MACROD2: variants seen among roughly 807,000 people sequenced by gnomAD.
MACROD2 encodes mono-ADP ribosylhydrolase 2.
MACROD2 carries 36 observed loss-of-function variants against 70.4 expected under a neutral mutation model. The ratio of observed to expected loss-of-function variants is 0.51; its 90% CI spans 0.39 to 0.68. The LOEUF is 0.68. MACROD2 is among the 30% of genes least tolerant of loss of function. MACROD2 has a pLI of 0.00. For synonymous variants in MACROD2, 172 were observed against 178.8 expected (o/e 0.96, Z 0.30); for missense variants, 496 against 538.4 (o/e 0.92, Z 0.78).
chr20:15,633,722 G>A (rs1330890596), intron 8 of MACROD2, among the ~76,000 whole-genome samples: 1 of 152,094 alleles, frequency 6.6e-6, no homozygotes, highest in Non-Finnish European at 1.5e-5. Flanking sequence ...TTTACACATT[G>A]AATCTATTAC....
intron 6 of MACROD2, among the ~76,000 whole-genome samples, chr20:15,242,706 G>A: frequency 6.6e-6 from 1 of 152,102 alleles, no homozygotes; most frequent in East Asian, 1.9e-4. Flanking sequence ...GGATCTAGTA[G>A]TATATTTTTA....
At chr20:14,416,380 AT>A (rs2083805491) in intron 3 of MACROD2, among the ~76,000 whole-genome samples, 1 of 152,176 alleles carries the variant, frequency 6.6e-6, no homozygotes, top group Admixed American at 6.5e-5. Context: ...ACTCAAAACA[AT>A]TTTTAAGTCA....
chr20:15,075,436 T>A (rs1202245335), intron 5 of MACROD2, among the ~76,000 whole-genome samples: 2 of 152,186 alleles, frequency 1.3e-5, no homozygotes, highest in Non-Finnish European at 2.9e-5. Context: ...TCAAATTGGC[T>A]TATGTATAAG....
chr20:14,463,292 A>T (rs1181163410), intron 3 of MACROD2, among the ~76,000 whole-genome samples: 1 of 151,910 alleles, frequency 6.6e-6, no homozygotes. Flanking sequence ...ATTCTCTTTG[A>T]AGCAATTGTG....
chr20:15,607,843 A>G (rs1161210498), intron 8 of MACROD2, among the ~76,000 whole-genome samples: 1 of 152,194 alleles, frequency 6.6e-6, no homozygotes, highest in African/African-American at 2.4e-5. Context: ...TGCAATAAAG[A>G]TGTTTCTATA....
intron 2 of MACROD2, among the ~76,000 whole-genome samples, chr20:14,077,894 CTTT>C (rs58677755): frequency 1.7e-5 from 2 of 120,494 alleles, no homozygotes; most frequent in Non-Finnish European, 3.5e-5. Context: ...AAAGGTTTTT[CTTT>C]TTTTTTTTTT....
chr20:14,159,956 G>T (rs745410689), intron 3 of MACROD2, among the ~76,000 whole-genome samples: 4 of 152,126 alleles, frequency 2.6e-5, no homozygotes, highest in South Asian at 2.1e-4. Context: ...TATCAGATGC[G>T]TTTTCTGCAT....
chr20:14,248,105 G>A (rs1334444003), intron 3 of MACROD2, among the ~76,000 whole-genome samples: 1 of 151,876 alleles, frequency 6.6e-6, no homozygotes, highest in Admixed American at 6.6e-5. Flanking sequence ...TTTTTTTACT[G>A]TTAAGTACTT....
At chr20:15,423,962 A>G (rs996473174) in intron 6 of MACROD2, among the ~76,000 whole-genome samples, 2 of 152,190 alleles carry the variant, frequency 1.3e-5, no homozygotes, top group African/African-American at 4.8e-5. Flanking sequence ...GCCCTCTTTC[A>G]GGGCTCAAGT....
intron 5 of MACROD2, among the ~76,000 whole-genome samples, chr20:15,041,468 C>T (rs1409272825): frequency 6.6e-6 from 1 of 151,784 alleles, no homozygotes; most frequent in African/African-American, 2.4e-5. Flanking sequence ...TTTTTTGAGA[C>T]AGGGTCTCAC....
At chr20:15,198,743 T>G (rs1382850288) in intron 5 of MACROD2, among the ~76,000 whole-genome samples, 1 of 152,180 alleles carries the variant, frequency 6.6e-6, no homozygotes, top group Non-Finnish European at 1.5e-5. Flanking sequence ...GCAATTTTTA[T>G]GAACCCCACA....
intron 6 of MACROD2, among the ~76,000 whole-genome samples, chr20:15,386,670 C>T (rs751191467): frequency 3.9e-5 from 6 of 152,156 alleles, no homozygotes; most frequent in Admixed American, 1.3e-4. Context: ...GTGTCTTGAT[C>T]ATTGAAATTG....
At chr20:16,040,933 C>T (rs1424726743) in intron 15 of MACROD2, among the ~76,000 whole-genome samples, 1 of 151,970 alleles carries the variant, frequency 6.6e-6, no homozygotes, top group Non-Finnish European at 1.5e-5. Flanking sequence ...TCAACTTTTC[C>T]TGCTGTCATG....
At chr20:15,772,887 T>G (rs1231613843) in intron 8 of MACROD2, among the ~76,000 whole-genome samples, 1 of 152,128 alleles carries the variant, frequency 6.6e-6, no homozygotes, top group Admixed American at 6.5e-5. Context: ...AAACAGATAT[T>G]TCTTTCCTGG....
chr20:14,553,955 C>T (rs1286526908), intron 4 of MACROD2, among the ~76,000 whole-genome samples: 4 of 152,044 alleles, frequency 2.6e-5, no homozygotes. Flanking sequence ...AATTCCTGGC[C>T]CTCAATGGCA....
chr20:15,044,998 A>G (rs1194238476), intron 5 of MACROD2, among the ~76,000 whole-genome samples: 1 of 152,188 alleles, frequency 6.6e-6, no homozygotes, highest in Non-Finnish European at 1.5e-5. Flanking sequence ...TCTACAAAAC[A>G]GTCATATGTG....
At chr20:15,400,762 G>A (rs2045917853) in intron 6 of MACROD2, among the ~76,000 whole-genome samples, 2 of 152,094 alleles carry the variant, frequency 1.3e-5, no homozygotes, top group Non-Finnish European at 2.9e-5. Flanking sequence ...ATTTGCCTTT[G>A]GCATATTTGA....
At chr20:14,225,687 A>G (rs1324929295) in intron 3 of MACROD2, among the ~76,000 whole-genome samples, 1 of 152,262 alleles carries the variant, frequency 6.6e-6, no homozygotes. Flanking sequence ...TGACCAATCT[A>G]TATTTCAAAA....
chr20:15,757,576 A>C (rs1275136584), intron 8 of MACROD2, among the ~76,000 whole-genome samples: 1 of 152,214 alleles, frequency 6.6e-6, no homozygotes. Flanking sequence ...AAATACCTCC[A>C]TGAGTGTCTT....
Sources: allele counts gnomAD v4.1 joint callset (sites outside exome capture counted in the v4.1 genomes callset), GRCh38; gene constraint gnomAD v4.1.1; transcripts MANE v1.5; gene names NCBI Gene and HGNC (gene_info 2026-07-23, HGNC 2026-07-21).